The following C11orf65 variants were observed in gnomAD, a reference collection of about 807,000 sequenced individuals.
The protein encoded by C11orf65 is protein MFI.
C11orf65 carries 38 observed loss-of-function variants against 35.3 expected under a neutral mutation model. The observed-to-expected ratio is 1.08, with a 90% CI of 0.83 to 1.41. C11orf65 has a LOEUF of 1.41. Ranked by LOEUF, C11orf65 falls within the 40% of genes most tolerant of loss-of-function variation. The pLI, the probability that C11orf65 is intolerant of heterozygous loss-of-function variation, is 0.00. For missense variants in C11orf65, 370 were observed against 367.1 expected, an observed-to-expected ratio of 1.01 and a Z score of -0.06; for synonymous variants, 105 against 114.4, an observed-to-expected ratio of 0.92 and a Z score of 0.53.
At chr11:108,411,924 T>C (rs2092664743) in intron 3 of C11orf65, among the ~76,000 whole-genome samples, 1 of 151,836 alleles carries the variant, frequency 6.6e-6, no homozygotes, top group African/African-American at 2.4e-5. Flanking sequence ...GTAACTGGGA[T>C]TTACTTTTGC....
chr11:108,433,404 C>T (rs961133690), intron 2 of C11orf65, among the ~76,000 whole-genome samples: 8 of 151,886 alleles, frequency 5.3e-5, no homozygotes, highest in African/African-American at 1.9e-4. Context: ...CAGTGAAACC[C>T]TGTCTCTACT....
At chr11:108,362,685 A>G (rs917672961) in intron 2 of C11orf65, among the ~76,000 whole-genome samples, 7 of 148,810 alleles carry the variant, frequency 4.7e-5, no homozygotes, top group African/African-American at 1.7e-4. Context: ...CATTCTCAGT[A>G]AACTATCGCA....
chr11:108,312,009 A>C (rs61915065), intron 6 of C11orf65, among the ~76,000 whole-genome samples: 3,484 of 152,268 alleles, frequency 0.023, 61 homozygotes, highest in Middle Eastern at 0.044. Context: ...AGATGTCTTA[A>C]ATTTATATCT....
At position 108,370,224 on chromosome 11, in the gene C11orf65, G is replaced by A. The variant is rs549581447; in HGVS notation, c.226+22984C>T. On this transcript the variant is annotated intron_variant, in intron 2 of 3. Transcript: ENST00000524755. ...CTTATAAAGGACATTTTTTTCATAA[G>A]TTTTTCCTAATTATTACTGTTAGAA... Among the ~76,000 whole-genome samples, 17 of 151,814 alleles carry A rather than the reference G, an allele frequency of 1.1e-4. No individual in the cohort carries two copies. In the East Asian group the frequency reaches 2.9e-3, roughly 26 times the overall value.
At chr11:108,433,838 G>T (rs1156441668) in intron 2 of C11orf65, among the ~76,000 whole-genome samples, 1 of 152,016 alleles carries the variant, frequency 6.6e-6, no homozygotes, top group Non-Finnish European at 1.5e-5. Flanking sequence ...CTTCTACTGG[G>T]ACAGAACCTC....
chr11:108,457,229 C>G (rs769453448), intron 2 of C11orf65, among the ~76,000 whole-genome samples: 4 of 151,984 alleles, frequency 2.6e-5, no homozygotes, highest in Non-Finnish European at 5.9e-5. Flanking sequence ...GGTAAGTAAC[C>G]TACCCTCTCA....
intron 2 of C11orf65, among the ~76,000 whole-genome samples, chr11:108,449,092 T>C (rs1388046776): frequency 2.0e-5 from 3 of 152,296 alleles, no homozygotes; most frequent in East Asian, 1.9e-4. Flanking sequence ...GTGAAGGACC[T>C]CTTCAAGGAG....
chr11:108,400,982 G>A (rs962671894), intron 6 of C11orf65, among the ~76,000 whole-genome samples: 1 of 152,090 alleles, frequency 6.6e-6, no homozygotes, highest in Non-Finnish European at 1.5e-5. Flanking sequence ...GGTGGCACAT[G>A]CCTGTTATCC....
At chr11:108,459,534 A>G (rs770552741) in intron 2 of C11orf65, among the ~76,000 whole-genome samples, 1 of 152,168 alleles carries the variant, frequency 6.6e-6, no homozygotes, top group Non-Finnish European at 1.5e-5. Flanking sequence ...TGGAACCCCT[A>G]TGAAATGTGT....
At chr11:108,400,437 TGTTCTATGGAAACAG>T (rs1422814046) in intron 6 of C11orf65, among the ~76,000 whole-genome samples, 1 of 152,184 alleles carries the variant, frequency 6.6e-6, no homozygotes, top group Non-Finnish European at 1.5e-5. Flanking sequence ...ACAGGCATAA[TGTTCTATGGAAACAG>T]ATGTACAAGC....
chr11:108,340,710 C>T (rs76812328), intron 2 of C11orf65, among the ~76,000 whole-genome samples: 1,888 of 152,224 alleles, frequency 0.012, 48 homozygotes, highest in African/African-American at 0.042. Flanking sequence ...TACTCTTATT[C>T]GGTATCTGTG....
At chr11:108,444,221 A>G (rs2093212046) in intron 2 of C11orf65, among the ~76,000 whole-genome samples, 1 of 152,210 alleles carries the variant, frequency 6.6e-6, no homozygotes, top group Non-Finnish European at 1.5e-5. Context: ...AAAATCTAGA[A>G]GAAATGGATA....
chr11:108,458,670 C>G (rs1309463959), intron 2 of C11orf65, among the ~76,000 whole-genome samples: 1 of 152,116 alleles, frequency 6.6e-6, no homozygotes, highest in Non-Finnish European at 1.5e-5. Flanking sequence ...ACAAGAATGC[C>G]TATTTCCCCA....
chr11:108,362,693 G>A (rs923622838), intron 2 of C11orf65, among the ~76,000 whole-genome samples: 2 of 144,272 alleles, frequency 1.4e-5, no homozygotes, highest in African/African-American at 2.6e-5. Context: ...GTAAACTATC[G>A]CAAGAACAAA....
At chr11:108,359,156 A>G (rs2090403065) in intron 2 of C11orf65, among the ~76,000 whole-genome samples, 1 of 151,254 alleles carries the variant, frequency 6.6e-6, no homozygotes, top group Non-Finnish European at 1.5e-5. Flanking sequence ...CTAGTCTCTG[A>G]TAAAACAGAC....
intron 3 of C11orf65, among the ~76,000 whole-genome samples, chr11:108,417,943 T>C (rs1412764219): frequency 1.5e-5 from 2 of 134,378 alleles, no homozygotes; most frequent in Admixed American, 1.7e-4. Context: ...ACAATATTAC[T>C]GACAGTAAAA....
chr11:108,448,749 C>T (rs1038646329), intron 2 of C11orf65, among the ~76,000 whole-genome samples: 2 of 152,188 alleles, frequency 1.3e-5, no homozygotes, highest in South Asian at 4.1e-4. Flanking sequence ...TCTCTCACCA[C>T]TCCTATTCAG....
chr11:108,447,241 A>G (rs908849443), intron 2 of C11orf65, among the ~76,000 whole-genome samples: 1 of 152,170 alleles, frequency 6.6e-6, no homozygotes, highest in African/African-American at 2.4e-5. Flanking sequence ...GAAAGTTAAC[A>G]AGGATACCCA....
intron 6 of C11orf65, among the ~76,000 whole-genome samples, chr11:108,325,081 A>T (rs189764130): frequency 2.6e-5 from 4 of 152,192 alleles, no homozygotes; most frequent in Admixed American, 2.6e-4. Context: ...GATGTTTGTC[A>T]TCTGTGACCT....
Sources: allele counts gnomAD v4.1 joint callset (sites outside exome capture counted in the v4.1 genomes callset), GRCh38; gene constraint gnomAD v4.1.1; transcripts MANE v1.5; gene names NCBI Gene and HGNC (gene_info 2026-07-23, HGNC 2026-07-21).